Variants in SGO1 observed in about 807,000 individuals in gnomAD.
The protein encoded by SGO1 is shugoshin 1.
SGO1 carries 39 observed loss-of-function variants against 50.5 expected under a neutral mutation model. The ratio of observed to expected loss-of-function variants is 0.77; its 90% CI spans 0.60 to 1.01. SGO1 has a LOEUF of 1.01. SGO1 is among the 50% of genes least tolerant of loss of function. The pLI, the probability that SGO1 is intolerant of heterozygous loss-of-function variation, is 0.00. For synonymous variants in SGO1, 191 were observed against 205.1 expected (o/e 0.93, Z 0.59); for missense variants, 638 against 606.0 (o/e 1.05, Z -0.55).
In SGO1 at chr3:20,174,552, T is replaced by G. The variant is rs374732712; in HGVS notation, c.979A>C (p.Lys327Gln). 11 of 1,608,486 alleles carry G rather than the reference T, an allele frequency of 6.8e-6. No homozygotes were observed. In the African/African-American group the frequency reaches 1.2e-4, roughly 18 times the overall value. Residue 327 changes from lysine (K) to glutamine (Q), a missense_variant, in exon 6 of 8, where the codon AAA becomes CAA. By Grantham distance (53) the Lys-to-Gln change is moderately conservative. Coordinates refer to ENST00000412997, the MANE Select transcript of SGO1 (RefSeq NM_001199251.3). ...KKTVPQKKMH[K>Q]SVSSNDAYNF... ...TAAGCATCATTGGAACTGACAGATT[T>G]GTGCATTTTTTTTTGGGGAACAGTT...
chr3:20,172,613 T>A (rs1700875378), intron 6 of SGO1, among the ~76,000 whole-genome samples: 1 of 151,824 alleles, frequency 6.6e-6, no homozygotes, highest in Non-Finnish European at 1.5e-5. Flanking sequence ...GTAATACCAT[T>A]TTAGAGTATA....
intron 7 of SGO1, 111 bp downstream of exon 7, chr3:20,170,932 T>A (rs756915448): frequency 1.2e-5 from 17 of 1,474,350 alleles, no homozygotes; most frequent in Middle Eastern, 1.8e-4. Flanking sequence ...TCAGTTTTTT[T>A]AAATCAAATG....
chr3:20,175,200 C>T (rs978928), intron 5 of SGO1, 145 bp from the exon 6 acceptor site: 434,628 of 824,776 alleles, frequency 0.53, 124,653 homozygotes, highest in East Asian at 0.97. Flanking sequence ...TAAATAAAAA[C>T]CTGGGAACTT....
At chr3:20,185,271 G>C (rs533835231) in intron 1 of SGO1, among the ~76,000 whole-genome samples, 8 of 152,240 alleles carry the variant, frequency 5.3e-5, no homozygotes, top group African/African-American at 1.4e-4. Context: ...ATTAAGTAAC[G>C]GATCTAGTTT....
chr3:20,170,323 G>A lies in SGO1; in HGVS notation c.*381C>T. 1 of 619,362 alleles carries A rather than the reference G, an allele frequency of 1.6e-6. No homozygotes were observed. Among genetic ancestry groups the A allele is most frequent in the Non-Finnish European group, 2.0e-6 (1 of 496,120 alleles). 38.4% of individuals were successfully genotyped at this position (619,362 alleles called of 1,614,324 possible). On this transcript the variant is annotated 3_prime_UTR_variant, in exon 8 of 8. Coordinates refer to ENST00000412997, the MANE Select transcript of SGO1 (RefSeq NM_001199251.3). ...TGAGGCAGGAGAATCGCTTGAACCT[G>A]GGAGGCGGAGGTTGCGGTAAGCTGA... is the stretch of plus-strand genomic sequence containing the variant.
At chr3:20,179,207 G>T (rs1223777749) in intron 3 of SGO1, among the ~76,000 whole-genome samples, 1 of 152,156 alleles carries the variant, frequency 6.6e-6, no homozygotes, top group African/African-American at 2.4e-5. Context: ...AAGGTAGGAA[G>T]TATACAGCAT....
At chr3:20,182,450 A>G (rs1020694823) in intron 3 of SGO1, among the ~76,000 whole-genome samples, 5 of 152,032 alleles carry the variant, frequency 3.3e-5, no homozygotes, top group Admixed American at 6.6e-5. Flanking sequence ...GGCCACTGGG[A>G]AGAAATTCAA....
chr3:20,185,062 T>C (rs1050855673), intron 1 of SGO1, among the ~76,000 whole-genome samples: 3 of 152,252 alleles, frequency 2.0e-5, no homozygotes, highest in African/African-American at 7.2e-5. Context: ...CCAGGCCTTA[T>C]TTTCCTCTAT....
rs574179482 is a variant in SGO1 at position 20,170,272 on chromosome 3, C to A, written c.*432G>T. ...AATTAGCCGGGCGTAGTGGCACATG[C>A]CTGTAGTCCCAGCTACTCGGGAGTC... On this transcript the variant is annotated 3_prime_UTR_variant, in exon 8 of 8. Transcript: ENST00000412997. The A allele has an allele frequency of 3.3e-5, 14 of 421,204 alleles. No individual in the cohort carries two copies. The highest frequency in any genetic ancestry group is 2.5e-3 in the Middle Eastern group (2 of 814). The allele number at this position is 421,204 out of a possible 1,614,324, so 26.1% of individuals were successfully genotyped here. A position where few individuals can be genotyped will look rare whatever the true frequency, so the allele number is the denominator to read the frequency against.
At chr3:20,161,912 G>A (rs1177110412) in intron 8 of SGO1, among the ~76,000 whole-genome samples, 1 of 152,168 alleles carries the variant, frequency 6.6e-6, no homozygotes, top group Non-Finnish European at 1.5e-5. Context: ...CAGAAATTGT[G>A]CAATAGCTAG....
chr3:20,181,116 C>T (rs1001227369), intron 3 of SGO1, among the ~76,000 whole-genome samples: 3 of 152,168 alleles, frequency 2.0e-5, no homozygotes, highest in African/African-American at 7.2e-5. Context: ...GTGATCACAC[C>T]ACTGCACCCC....
intron 6 of SGO1, among the ~76,000 whole-genome samples, chr3:20,172,127 T>C (rs974944575): frequency 6.6e-6 from 1 of 152,266 alleles, no homozygotes; most frequent in African/African-American, 2.4e-5. Flanking sequence ...GAGAAATATG[T>C]TGTTTGGAAC....
chr3:20,164,133 C>A (rs1700178372), intron 8 of SGO1, among the ~76,000 whole-genome samples: 1 of 152,010 alleles, frequency 6.6e-6, no homozygotes, highest in Non-Finnish European at 1.5e-5. Flanking sequence ...TAAGAAACCA[C>A]AAGAAAACTA....
downstream of SGO1, chr3:20,169,111 T>C: frequency 6.1e-6 from 6 of 984,972 alleles, no homozygotes; most frequent in Non-Finnish European, 7.2e-6. Flanking sequence ...ATAGAAAAAT[T>C]TGGGATGATG....
In SGO1 at chr3:20,186,031, C is replaced by T. The variant is rs1399898392; in HGVS notation, c.-91G>A. On this transcript the variant is annotated 5_prime_UTR_variant, in exon 1 of 8. Transcript: ENST00000412997. ...TGGCGGAAGTGGACGCGGCGACCCT[C>T]CTGCCGCAGGCGCGTCCAGAACGAT... 1 of 152,464 alleles carries T rather than the reference C, an allele frequency of 6.6e-6. No homozygotes were observed. Among genetic ancestry groups the T allele is most frequent in the African/African-American group, 2.4e-5 (1 of 41,462 alleles). The allele number at this position is 152,464 out of a possible 1,614,324, so 9.4% of individuals were successfully genotyped here.
chr3:20,174,341 T>C lies in SGO1; in HGVS notation c.1190A>G (p.Asp397Gly), dbSNP rs749352322. 2 of 1,614,216 alleles carry C rather than the reference T, an allele frequency of 1.2e-6. No homozygotes were observed. The highest frequency in any genetic ancestry group is 2.2e-5 in the South Asian group (2 of 91,086). Residue 397 changes from aspartate to glycine, a missense_variant, in exon 6 of 8, where the codon GAT becomes GGT. Physicochemically the swap from Asp to Gly is moderately conservative, Grantham distance 94. Transcript: ENST00000412997. ...KYIQNPTSNS[D>G]RPVTRPLAKR... is the part of the protein sequence containing the mutation. ...AGCTAGAGGCCTGGTGACTGGTCTA[T>C]CTGAATTGCTCGTGGGATTCTGAAT...
chr3:20,174,362 T>C lies in SGO1; in HGVS notation c.1169A>G (p.Gln390Arg), dbSNP rs776247712. Residue 390 changes from glutamine to arginine, a missense_variant, in exon 6 of 8, where the codon CAG (glutamine) becomes CGG (arginine). Physicochemically the swap from Gln to Arg is conservative, Grantham distance 43 (BLOSUM62 1). Coordinates refer to ENST00000412997, the MANE Select transcript of SGO1 (RefSeq NM_001199251.3). The stretch of plus-strand genomic sequence containing the variant: ...TCTATCTGAATTGCTCGTGGGATTC[T>C]GAATGTACTTGCAAGTGGGCAAATA... ...DLYLPTCKYI[Q>R]NPTSNSDRPV... is the part of the protein sequence containing the mutation. The C allele has an allele frequency of 1.9e-6, 3 of 1,614,210 alleles. No homozygotes were observed. Among genetic ancestry groups the C allele is most frequent in the African/African-American group, 2.7e-5 (2 of 75,072 alleles).
intron 3 of SGO1, among the ~76,000 whole-genome samples, chr3:20,181,100 A>C (rs1361380632): frequency 2.6e-5 from 4 of 152,210 alleles, no homozygotes; most frequent in Non-Finnish European, 5.9e-5. Flanking sequence ...AAGGCTGCAG[A>C]GAGCTGTGAT....
At chr3:20,168,530 G>A (rs1374720591), downstream of SGO1, among the ~76,000 whole-genome samples, 1 of 150,274 alleles carries the variant, frequency 6.7e-6, no homozygotes, top group African/African-American at 2.5e-5. Context: ...TAGTCCAACT[G>A]TACTTTCTGT....
Sources: gnomAD v4.1 joint callset for allele counts (sites outside exome capture counted in the v4.1 genomes callset) on GRCh38, gnomAD v4.1.1 for gene constraint, MANE v1.5 for transcripts, NCBI Gene and HGNC (gene_info 2026-07-23, HGNC 2026-07-21) for gene names.